Variants in KCNAB1 observed in about 807,000 individuals in gnomAD.
KCNAB1 encodes the protein potassium voltage-gated channel subfamily A regulatory beta subunit 1, also known as voltage-gated potassium channel subunit beta-1.
Under a neutral mutation model 64.6 loss-of-function variants are expected in KCNAB1, and 35 were observed. The ratio of observed to expected loss-of-function variants is 0.54; its 90% CI spans 0.41 to 0.72. KCNAB1 has a LOEUF of 0.72. KCNAB1 is among the 30% of genes least tolerant of loss of function. The pLI is 0.00. For missense variants in KCNAB1, 401 were observed against 512.9 expected, an observed-to-expected ratio of 0.78 and a Z score of 2.11; for synonymous variants, 177 against 183.8, an observed-to-expected ratio of 0.96 and a Z score of 0.30.
intron 1 of KCNAB1, among the ~76,000 whole-genome samples, chr3:156,310,208 G>C (rs1393161062): frequency 6.6e-6 from 1 of 152,158 alleles, no homozygotes; most frequent in Non-Finnish European, 1.5e-5. Flanking sequence ...CCAAGAGGGA[G>C]ACTCCAAGAG....
chr3:156,121,687 C>T (rs927296222), intron 1 of KCNAB1, among the ~76,000 whole-genome samples: 6 of 151,994 alleles, frequency 3.9e-5, no homozygotes, highest in Non-Finnish European at 5.9e-5. Flanking sequence ...GAAAATAATA[C>T]CTAGAATAGC....
intron 2 of KCNAB1, among the ~76,000 whole-genome samples, chr3:156,429,846 A>T (rs1716083773): frequency 6.6e-6 from 1 of 152,198 alleles, no homozygotes; most frequent in South Asian, 2.1e-4. Context: ...TTTCTGCATA[A>T]CACAAACAGA....
intron 2 of KCNAB1, among the ~76,000 whole-genome samples, chr3:156,428,541 G>T (rs1296930551): frequency 9.6e-6 from 1 of 104,698 alleles, no homozygotes. Context: ...ACACCCTATT[G>T]GTTCTGTTTC....
chr3:156,316,251 C>G (rs1036639245), intron 1 of KCNAB1, among the ~76,000 whole-genome samples: 21 of 152,192 alleles, frequency 1.4e-4, no homozygotes, highest in Non-Finnish European at 2.6e-4. Context: ...CACCCACCCC[C>G]AGCCAAGCAG....
At chr3:156,197,263 C>CT (rs1472795434) in intron 1 of KCNAB1, among the ~76,000 whole-genome samples, 3 of 152,032 alleles carry the variant, frequency 2.0e-5, no homozygotes, top group Non-Finnish European at 4.4e-5. Context: ...CTGAAATTTT[C>CT]TTTTTTTGTG....
intron 8 of KCNAB1, among the ~76,000 whole-genome samples, chr3:156,497,349 G>T (rs1488589591): frequency 1.3e-5 from 2 of 152,200 alleles, no homozygotes; most frequent in Non-Finnish European, 2.9e-5. Flanking sequence ...ATTGCTTCCT[G>T]TTATAGCATG....
At chr3:156,513,245 C>T (rs1717335886) in intron 8 of KCNAB1, among the ~76,000 whole-genome samples, 1 of 151,704 alleles carries the variant, frequency 6.6e-6, no homozygotes, top group African/African-American at 2.4e-5. Flanking sequence ...AAAGTTTACA[C>T]CAGCCAAACA....
intron 8 of KCNAB1, among the ~76,000 whole-genome samples, chr3:156,506,522 T>C (rs1559920391): frequency 6.6e-6 from 1 of 152,148 alleles, no homozygotes; most frequent in African/African-American, 2.4e-5. Context: ...AGAGGAGAGG[T>C]TGAGGACCAT....
intron 1 of KCNAB1, among the ~76,000 whole-genome samples, chr3:156,135,956 CA>C (rs1714321905): frequency 1.3e-5 from 2 of 152,250 alleles, no homozygotes; most frequent in East Asian, 3.8e-4. Context: ...GATAATCTCT[CA>C]TTTCTCTTTA....
intron 1 of KCNAB1, among the ~76,000 whole-genome samples, chr3:156,121,783 G>C (rs1000963542): frequency 6.6e-6 from 1 of 152,208 alleles, no homozygotes; most frequent in African/African-American, 2.4e-5. Flanking sequence ...TCCTTTTGTA[G>C]AGACTGTATG....
At chr3:156,476,028 T>C (rs989598786) in intron 8 of KCNAB1, among the ~76,000 whole-genome samples, 1 of 152,186 alleles carries the variant, frequency 6.6e-6, no homozygotes, top group African/African-American at 2.4e-5. Flanking sequence ...GACATAAAAC[T>C]GCATATTTTT....
intron 1 of KCNAB1, among the ~76,000 whole-genome samples, chr3:156,170,332 C>T (rs1406733027): frequency 1.3e-5 from 2 of 151,724 alleles, no homozygotes; most frequent in Non-Finnish European, 2.9e-5. Flanking sequence ...ATTGGCATTC[C>T]GGCTACTACT....
chr3:156,273,819 T>C (rs1719179687), intron 1 of KCNAB1: 19 of 363,656 alleles, frequency 5.2e-5, no homozygotes, highest in South Asian at 4.0e-4. Flanking sequence ...TCCAGATCTT[T>C]TCTGACATCA....
At chr3:156,478,822 T>C (rs1181463445) in intron 8 of KCNAB1, among the ~76,000 whole-genome samples, 2 of 152,150 alleles carry the variant, frequency 1.3e-5, no homozygotes, top group African/African-American at 2.4e-5. Flanking sequence ...TGGCATCATA[T>C]ATCTAATTAG....
chr3:156,418,757 C>T (rs1447728830), intron 1 of KCNAB1, among the ~76,000 whole-genome samples: 1 of 152,158 alleles, frequency 6.6e-6, no homozygotes, highest in Admixed American at 6.5e-5. Context: ...ATATCTCATG[C>T]AGAGAAAATG....
chr3:156,143,566 CTTGTTTTTT>C, intron 1 of KCNAB1: 2 of 159,594 alleles, frequency 1.3e-5, no homozygotes, highest in Non-Finnish European at 2.1e-5. Flanking sequence ...GGGTTGCATT[CTTGTTTTTT>C]TTTTTTTTTT....
intron 1 of KCNAB1, among the ~76,000 whole-genome samples, chr3:156,265,952 A>T (rs1718677858): frequency 6.6e-6 from 1 of 152,200 alleles, no homozygotes; most frequent in South Asian, 2.1e-4. Flanking sequence ...AGATTGCACC[A>T]CTGCACTCCA....
At position 156,143,625 on chromosome 3, in the gene KCNAB1, G is replaced by A. The variant is rs535344324; in HGVS notation, c.275+22739G>A. Among the ~76,000 whole-genome samples the A allele has an allele frequency of 2.0e-4, 27 of 136,304 alleles. No individual in the cohort carries two copies. In the East Asian group the frequency reaches 5.0e-3, roughly 25 times the overall value. The allele number at this position is 136,304 out of a possible 152,430, so 89.4% of individuals were successfully genotyped here. On this transcript the variant is annotated intron_variant, in intron 1 of 13. Coordinates refer to ENST00000490337, the MANE Select transcript of KCNAB1 (RefSeq NM_172160.3). The stretch of plus-strand genomic sequence containing the variant: ...CTTTAAGCGTTCTCTTTTCTCAGAG[G>A]GTTACAGAAAAGACAGTCAAGTTCA...
chr3:156,421,366 AAT>A (rs950861407), intron 1 of KCNAB1, among the ~76,000 whole-genome samples: 2 of 152,232 alleles, frequency 1.3e-5, no homozygotes, highest in African/African-American at 4.8e-5. Context: ...TAAAGAAGAC[AAT>A]ATGAGACTGA....
Sources: allele counts gnomAD v4.1 joint callset (sites outside exome capture counted in the v4.1 genomes callset), GRCh38; gene constraint gnomAD v4.1.1; transcripts MANE v1.5; gene names NCBI Gene and HGNC (gene_info 2026-07-23, HGNC 2026-07-21).